The following CSMD3 variants were observed in gnomAD, a reference collection of about 807,000 sequenced individuals.
CSMD3 encodes the protein CUB and sushi domain-containing protein 3.
A neutral mutation model predicts 435.2 loss-of-function variants in CSMD3; 177 were observed. That is an observed-to-expected ratio of 0.41 (90% CI 0.36 to 0.46). The LOEUF (loss-of-function observed/expected upper bound fraction) is 0.46. Among genes scored for constraint, CSMD3 ranks in the 20% least tolerant of loss-of-function variants. The pLI, the probability that CSMD3 is intolerant of heterozygous loss-of-function variation, is 0.34. For missense variants in CSMD3, 4,265 were observed against 4,504.6 expected (o/e 0.95, Z 1.52); for synonymous variants, 1,656 against 1,520.5 (o/e 1.09, Z -2.07).
In CSMD3 at chr8:113,302,259, A is replaced by AG. The variant is rs1563672322; in HGVS notation, c.401+12311_401+12312insC. On this transcript the variant is annotated intron_variant, in intron 2 of 70. Coordinates refer to ENST00000297405, the MANE Select transcript of CSMD3 (RefSeq NM_198123.2). ...TATATAATATAATATATATTATATA[A>AG]AATATATATAATATATAATTATAAT... is the stretch of plus-strand genomic sequence containing the variant. Among the ~76,000 whole-genome samples the AG allele has an allele frequency of 8.7e-3, 1,075 of 123,150 alleles. 14 individuals carry two copies. Among genetic ancestry groups the AG allele is most frequent in the African/African-American group, 0.03 (1,038 of 34,466 alleles). The allele number at this position is 123,150 out of a possible 152,430, so 80.8% of individuals were successfully genotyped here.
intron 4 of CSMD3, among the ~76,000 whole-genome samples, chr8:113,101,831 AT>A (rs766048203): frequency 9.2e-5 from 14 of 152,074 alleles, no homozygotes; most frequent in Non-Finnish European, 1.9e-4. Flanking sequence ...AAATGGTGAA[AT>A]AGGTAAACTT....
intron 59 of CSMD3, among the ~76,000 whole-genome samples, chr8:112,273,281 T>TAA (rs147072833): frequency 2.1e-4 from 31 of 149,672 alleles, no homozygotes; most frequent in African/African-American, 4.7e-4. Context: ...TTATTCATTG[T>TAA]AAAAAAAAAA....
At chr8:112,564,400 C>A (rs780749943) in intron 24 of CSMD3, among the ~76,000 whole-genome samples, 2 of 150,400 alleles carry the variant, frequency 1.3e-5, no homozygotes, top group African/African-American at 2.4e-5. Flanking sequence ...CTTCTCCTCT[C>A]CTCTCCTCTC....
chr8:113,115,338 T>G (rs2090789293), intron 4 of CSMD3, among the ~76,000 whole-genome samples: 1 of 152,180 alleles, frequency 6.6e-6, no homozygotes, highest in Admixed American at 6.5e-5. Context: ...TGCTGAAAAC[T>G]TCTAAGTGAA....
intron 3 of CSMD3, among the ~76,000 whole-genome samples, chr8:113,264,175 C>A (rs1227407491): frequency 6.6e-6 from 1 of 151,278 alleles, no homozygotes; most frequent in African/African-American, 2.4e-5. Flanking sequence ...AAATTAAATT[C>A]TCATATTAAT....
intron 38 of CSMD3, among the ~76,000 whole-genome samples, chr8:112,371,639 C>T (rs886071097): frequency 1.3e-5 from 2 of 152,056 alleles, no homozygotes; most frequent in Non-Finnish European, 2.9e-5. Flanking sequence ...CGTGTAATCC[C>T]AGGACTTTGG....
chr8:113,226,195 ATGT>A (rs2093026641), intron 3 of CSMD3, among the ~76,000 whole-genome samples: 1 of 151,506 alleles, frequency 6.6e-6, no homozygotes, highest in South Asian at 2.1e-4. Context: ...CAGTGTTATA[ATGT>A]TATTATAGTG....
rs868777855 is a variant in CSMD3 at position 112,941,688 on chromosome 8, T to C, written c.1508+6102A>G. Among the ~76,000 whole-genome samples the C allele has an allele frequency of 6.2e-4, 94 of 151,958 alleles. 1 individual carries two copies. The highest frequency in any genetic ancestry group is 2.1e-4 in the Non-Finnish European group (14 of 67,814). On this transcript the variant is annotated intron_variant, in intron 9 of 70. Transcript: ENST00000297405. Reference sequence around the variant, plus strand: ...ATGCTAGAGAAAGATTTTAGTAACATATTATCATTAAAATAACATGTGTAT... The same window carrying C: ...ATGCTAGAGAAAGATTTTAGTAACACATTATCATTAAAATAACATGTGTAT...
At chr8:113,223,150 T>G (rs954080436) in intron 3 of CSMD3, among the ~76,000 whole-genome samples, 33 of 150,834 alleles carry the variant, frequency 2.2e-4, no homozygotes, top group African/African-American at 8.0e-4. Flanking sequence ...AATTAATAAA[T>G]TAATATTATT....
chr8:112,595,250 G>C (rs1250564395), intron 22 of CSMD3, among the ~76,000 whole-genome samples: 2 of 152,076 alleles, frequency 1.3e-5, no homozygotes, highest in African/African-American at 2.4e-5. Context: ...CGATCAACTG[G>C]AAGAAAGGGT....
chr8:112,553,021 C>A (rs776523482), intron 25 of CSMD3, among the ~76,000 whole-genome samples: 1 of 152,150 alleles, frequency 6.6e-6, no homozygotes, highest in South Asian at 2.1e-4. Context: ...TGTTAAATAA[C>A]GATAATTTTA....
At chr8:112,394,643 A>T (rs1404269146) in intron 35 of CSMD3, among the ~76,000 whole-genome samples, 1 of 152,088 alleles carries the variant, frequency 6.6e-6, no homozygotes. Flanking sequence ...ACTTTTATTC[A>T]TCCCTCCCTC....
chr8:112,906,377 T>C (rs1481319315), intron 10 of CSMD3, among the ~76,000 whole-genome samples: 1 of 151,300 alleles, frequency 6.6e-6, no homozygotes, highest in East Asian at 2.0e-4. Context: ...AAACAACCCA[T>C]ATAACTTTTC....
intron 5 of CSMD3, among the ~76,000 whole-genome samples, chr8:113,088,327 A>C (rs1013950647): frequency 4.0e-5 from 6 of 151,314 alleles, no homozygotes; most frequent in African/African-American, 1.5e-4. Flanking sequence ...CTAGAACTGG[A>C]AATACCATTT....
At chr8:112,815,226 A>G (rs1043277207) in intron 12 of CSMD3, among the ~76,000 whole-genome samples, 10 of 152,160 alleles carry the variant, frequency 6.6e-5, no homozygotes, top group African/African-American at 2.2e-4. Flanking sequence ...ATGGGACAAT[A>G]TAAATGTTAG....
intron 2 of CSMD3, among the ~76,000 whole-genome samples, chr8:113,303,910 A>T (rs1336291599): frequency 1.4e-5 from 2 of 138,184 alleles, no homozygotes; most frequent in African/African-American, 5.2e-5. Context: ...AAATTGAAAA[A>T]TGGGATCTAA....
intron 16 of CSMD3, among the ~76,000 whole-genome samples, chr8:112,678,119 T>G (rs1479190543): frequency 6.6e-6 from 1 of 152,202 alleles, no homozygotes; most frequent in Non-Finnish European, 1.5e-5. Context: ...TTAGCCCATC[T>G]AATTCATTTC....
intron 13 of CSMD3, among the ~76,000 whole-genome samples, chr8:112,741,014 A>G (rs191202948): frequency 5.1e-4 from 77 of 152,048 alleles, no homozygotes; most frequent in Non-Finnish European, 9.6e-4. Flanking sequence ...AGTTAAAGCC[A>G]TTACAATGTA....
chr8:113,109,451 A>C (rs2090573702), intron 4 of CSMD3, among the ~76,000 whole-genome samples: 1 of 152,250 alleles, frequency 6.6e-6, no homozygotes, highest in Admixed American at 6.5e-5. Context: ...TACAATGGTC[A>C]GACAGACATA....
Sources: allele counts gnomAD v4.1 joint callset (sites outside exome capture counted in the v4.1 genomes callset), GRCh38; gene constraint gnomAD v4.1.1; transcripts MANE v1.5; gene names NCBI Gene and HGNC (gene_info 2026-07-23, HGNC 2026-07-21).